TBC1D22A: variants seen among roughly 807,000 people sequenced by gnomAD.
TBC1D22A encodes the protein TBC1 domain family member 22A.
TBC1D22A carries 38 observed loss-of-function variants against 60.2 expected under a neutral mutation model. That is an observed-to-expected ratio of 0.63 (90% CI 0.49 to 0.83). TBC1D22A has a LOEUF of 0.83. Ranked by LOEUF, TBC1D22A falls within the 40% of genes least tolerant of loss-of-function variation. The pLI, the probability that TBC1D22A is intolerant of heterozygous loss-of-function variation, is 0.00. For missense variants in TBC1D22A, 628 were observed against 701.0 expected, an observed-to-expected ratio of 0.90 and a Z score of 1.18; for synonymous variants, 302 against 281.7, an observed-to-expected ratio of 1.07 and a Z score of -0.72.
chr22:47,084,025 G>C (rs76332768), intron 11 of TBC1D22A, among the ~76,000 whole-genome samples: 1,770 of 152,330 alleles, frequency 0.012, 31 homozygotes, highest in African/African-American at 0.041. Flanking sequence ...AGTGTACACT[G>C]TGAAAATCAA....
At chr22:46,947,605 G>C (rs2072630788) in intron 8 of TBC1D22A, among the ~76,000 whole-genome samples, 1 of 152,208 alleles carries the variant, frequency 6.6e-6, no homozygotes, top group Admixed American at 6.5e-5. Flanking sequence ...GCTCCCGCTT[G>C]TCTGTGTTGT....
intron 11 of TBC1D22A, among the ~76,000 whole-genome samples, chr22:47,043,669 A>G (rs1201019256): frequency 6.6e-6 from 1 of 152,054 alleles, no homozygotes; most frequent in East Asian, 1.9e-4. Context: ...GCTGAGTTGC[A>G]GCTGAACAGG....
intron 4 of TBC1D22A, among the ~76,000 whole-genome samples, chr22:46,808,747 A>C (rs1344243829): frequency 6.6e-6 from 1 of 152,158 alleles, no homozygotes; most frequent in East Asian, 1.9e-4. Flanking sequence ...GGCACCTGCC[A>C]CCATGCCTGG....
rs188531315 is a variant in TBC1D22A, at chr22:47,152,111, C to T, written c.1426-21387C>T. 5.8e-3 allele frequency among the ~76,000 whole-genome samples: 879 copies of T among 152,332 alleles called. 7 individuals are homozygous for T. Among genetic ancestry groups the T allele is most frequent in the African/African-American group, 0.02 (827 of 41,568 alleles). On this transcript the variant is annotated intron_variant, in intron 12 of 12. Transcript: ENST00000337137. The stretch of plus-strand genomic sequence containing the variant: ...CTGACTAGAACCCGGTCCTAGGGCT[C>T]CACGGTTCTCTTTTTATTCTGAAGA...
chr22:46,764,132 G>T (rs181459177), intron 1 of TBC1D22A: 1 of 152,342 alleles, frequency 6.6e-6, no homozygotes, highest in East Asian at 1.9e-4. Context: ...AGAGTGATCT[G>T]GGGGTTAGCA....
chr22:46,810,525 A>G (rs1233546520), intron 4 of TBC1D22A, among the ~76,000 whole-genome samples: 1 of 152,082 alleles, frequency 6.6e-6, no homozygotes, highest in Non-Finnish European at 1.5e-5. Flanking sequence ...TTATTTTATT[A>G]TGAGGGTCAA....
chr22:46,898,235 A>G (rs2068788129), intron 7 of TBC1D22A, among the ~76,000 whole-genome samples: 1 of 152,178 alleles, frequency 6.6e-6, no homozygotes, highest in Non-Finnish European at 1.5e-5. Context: ...GGCTAGTGGT[A>G]GCAATTGGCA....
intron 10 of TBC1D22A, among the ~76,000 whole-genome samples, chr22:47,026,954 G>C (rs1190420070): frequency 6.6e-6 from 1 of 152,156 alleles, no homozygotes; most frequent in Non-Finnish European, 1.5e-5. Flanking sequence ...GATGAACAAA[G>C]TTGAAGGACT....
chr22:47,011,092 G>A (rs578155688), intron 10 of TBC1D22A, among the ~76,000 whole-genome samples: 12 of 152,312 alleles, frequency 7.9e-5, no homozygotes, highest in African/African-American at 2.6e-4. Context: ...CGTACTCAGA[G>A]TCCTGCCTAT....
chr22:47,149,161 G>T (rs1239557204), intron 12 of TBC1D22A, among the ~76,000 whole-genome samples: 2 of 152,182 alleles, frequency 1.3e-5, no homozygotes, highest in Non-Finnish European at 2.9e-5. Flanking sequence ...TGGCTCGGGG[G>T]CCCTTCCAGA....
intron 4 of TBC1D22A, among the ~76,000 whole-genome samples, chr22:46,822,097 A>C (rs188698577): frequency 6.6e-6 from 1 of 151,914 alleles, no homozygotes; most frequent in Non-Finnish European, 1.5e-5. Context: ...CAGGTCATTT[A>C]TGTTCCTCTC....
chr22:46,846,654 A>T (rs867581917), intron 4 of TBC1D22A, among the ~76,000 whole-genome samples: 1 of 152,114 alleles, frequency 6.6e-6, no homozygotes, highest in Non-Finnish European at 1.5e-5. Flanking sequence ...GAAGCAACAC[A>T]CCTATCAGCC....
intron 8 of TBC1D22A, among the ~76,000 whole-genome samples, chr22:46,967,326 A>G (rs774027658): frequency 6.6e-6 from 1 of 152,238 alleles, no homozygotes; most frequent in Non-Finnish European, 1.5e-5. Context: ...CTGGAACCCA[A>G]ATGTACTTAA....
At chr22:46,920,150 G>T (rs897857270) in intron 8 of TBC1D22A, among the ~76,000 whole-genome samples, 1 of 152,140 alleles carries the variant, frequency 6.6e-6, no homozygotes, top group African/African-American at 2.4e-5. Flanking sequence ...CGTTATCATA[G>T]TTCATGGCAG....
chr22:47,104,976 T>C (rs2065577752), intron 11 of TBC1D22A, among the ~76,000 whole-genome samples: 1 of 152,042 alleles, frequency 6.6e-6, no homozygotes, highest in Non-Finnish European at 1.5e-5. Context: ...TTAAATGTAT[T>C]TGATTGATGT....
chr22:46,768,484 CAAAAAAAA>C (rs3083471), intron 1 of TBC1D22A, among the ~76,000 whole-genome samples: 39 of 80,368 alleles, frequency 4.9e-4, no homozygotes, highest in Admixed American at 1.2e-3. Flanking sequence ...GACTCTGTCT[CAAAAAAAA>C]AAAAAAAAAA....
At chr22:47,114,542 G>A (rs1451290085) in intron 12 of TBC1D22A, among the ~76,000 whole-genome samples, 1 of 152,130 alleles carries the variant, frequency 6.6e-6, no homozygotes, top group African/African-American at 2.4e-5. Context: ...TTACAAACCT[G>A]AGGAGTCCTG....
intron 4 of TBC1D22A, among the ~76,000 whole-genome samples, chr22:46,822,770 G>A (rs1318136233): frequency 6.6e-6 from 1 of 152,184 alleles, no homozygotes; most frequent in Non-Finnish European, 1.5e-5. Flanking sequence ...TTGTCCCTTG[G>A]TGGAGAGGGT....
chr22:46,941,639 G>T (rs2072111603), intron 8 of TBC1D22A, among the ~76,000 whole-genome samples: 2 of 146,830 alleles, frequency 1.4e-5, no homozygotes, highest in Non-Finnish European at 3.0e-5. Flanking sequence ...TATATACGCG[G>T]AATATATATA....
Sources: allele counts gnomAD v4.1 joint callset (sites outside exome capture counted in the v4.1 genomes callset), GRCh38; gene constraint gnomAD v4.1.1; transcripts MANE v1.5; gene names NCBI Gene and HGNC (gene_info 2026-07-23, HGNC 2026-07-21).